Variants in MTAP observed in about 807,000 individuals in gnomAD.
The protein encoded by MTAP is methylthioadenosine phosphorylase, also known as S-methyl-5'-thioadenosine phosphorylase.
MTAP carries 33 observed loss-of-function variants against 33.6 expected under a neutral mutation model. The observed-to-expected ratio is 0.98, with a 90% confidence interval of 0.74 to 1.31. The LOEUF is 1.31. Ranked by LOEUF, MTAP falls within the 40% of genes most tolerant of loss-of-function variation. The probability of loss-of-function intolerance (pLI) is 0.00; values close to 1 mark genes in which losing one functional copy is unlikely to be tolerated. For synonymous variants in MTAP, 148 were observed against 125.7 expected, an observed-to-expected ratio of 1.18 and a Z score of -1.19; for missense variants, 367 against 360.0, an observed-to-expected ratio of 1.02 and a Z score of -0.16.
chr9:21,919,120 G>A (rs1418636878), intron 1 of MTAP, among the ~76,000 whole-genome samples: 1 of 152,206 alleles, frequency 6.6e-6, no homozygotes, highest in Non-Finnish European at 1.5e-5. Flanking sequence ...TTTCAGCAGA[G>A]TGTTTAAAGT....
At chr9:21,892,874 C>T (rs1485538455) in intron 1 of MTAP, 2 of 152,132 alleles carry the variant, frequency 1.3e-5, no homozygotes, top group Non-Finnish European at 2.9e-5. Context: ...CACATCTTGA[C>T]CATAAAGCAA....
At chr9:21,846,882 C>T (rs1414479675) in intron 5 of MTAP, among the ~76,000 whole-genome samples, 1 of 152,110 alleles carries the variant, frequency 6.6e-6, no homozygotes, top group Non-Finnish European at 1.5e-5. Flanking sequence ...ATATATACAG[C>T]ATGGGTGTGA....
intron 1 of MTAP, among the ~76,000 whole-genome samples, chr9:21,873,911 T>G (rs1457921333): frequency 1.3e-5 from 2 of 152,098 alleles, no homozygotes; most frequent in Non-Finnish European, 2.9e-5. Flanking sequence ...GCAGAGCACT[T>G]TTTTCGGAAT....
chr9:21,915,889 G>T (rs1445972873), intron 1 of MTAP, among the ~76,000 whole-genome samples: 1 of 151,984 alleles, frequency 6.6e-6, no homozygotes, highest in Non-Finnish European at 1.5e-5. Flanking sequence ...ACAAAAATTA[G>T]CCAAGTATGA....
intron 1 of MTAP, among the ~76,000 whole-genome samples, chr9:21,807,521 G>C (rs1312342860): frequency 6.6e-6 from 1 of 152,132 alleles, no homozygotes; most frequent in African/African-American, 2.4e-5. Context: ...CCCAAGCATT[G>C]CAGGACATGG....
chr9:21,884,680 T>G (rs887954718), intron 1 of MTAP, among the ~76,000 whole-genome samples: 1 of 152,104 alleles, frequency 6.6e-6, no homozygotes, highest in Non-Finnish European at 1.5e-5. Flanking sequence ...TTTCTCTTCT[T>G]ATAAGGACAC....
intron 5 of MTAP, among the ~76,000 whole-genome samples, chr9:21,854,284 T>C (rs932982571): frequency 2.2e-4 from 34 of 152,230 alleles, no homozygotes; most frequent in African/African-American, 7.5e-4. Context: ...AAGACTCCAG[T>C]CTGTATTCTC....
chr9:21,881,922 C>T (rs995646823), intron 1 of MTAP, among the ~76,000 whole-genome samples: 24 of 152,038 alleles, frequency 1.6e-4, no homozygotes, highest in Admixed American at 3.3e-4. Flanking sequence ...AATTTGCACA[C>T]CCATATTCAT....
intron 4 of MTAP, among the ~76,000 whole-genome samples, chr9:21,833,802 C>T (rs1272891851): frequency 2.0e-5 from 3 of 152,192 alleles, no homozygotes; most frequent in Non-Finnish European, 4.4e-5. Flanking sequence ...ACCACATTTC[C>T]TCAAAGGAAA....
intron 1 of MTAP, among the ~76,000 whole-genome samples, chr9:21,881,155 G>A (rs1372154017): frequency 1.3e-5 from 2 of 151,964 alleles, no homozygotes; most frequent in South Asian, 2.1e-4. Context: ...TCACTCAACA[G>A]GCAAAAGACA....
downstream of MTAP, chr9:21,936,119 T>C (rs1819038635): frequency 6.6e-6 from 1 of 152,244 alleles, no homozygotes; most frequent in South Asian, 2.1e-4. Flanking sequence ...GTATAGGAGA[T>C]CTCCAGTGAT....
At chr9:21,912,422 A>C (rs895974932) in intron 1 of MTAP, among the ~76,000 whole-genome samples, 2 of 152,324 alleles carry the variant, frequency 1.3e-5, no homozygotes, top group Non-Finnish European at 2.9e-5. Context: ...CACATCCAAA[A>C]GCTTAATCAC....
Position 21,864,470 on chromosome 9 carries a change from G to A in MTAP, c.*2456G>A. 1 of 985,386 alleles carries A rather than the reference G, an allele frequency of 1.0e-6. No homozygotes were observed. 61.0% of individuals were successfully genotyped at this position (985,386 alleles called of 1,614,324 possible). On this transcript the variant is annotated 3_prime_UTR_variant, in exon 8 of 8. Coordinates refer to ENST00000644715, the MANE Select transcript of MTAP (RefSeq NM_002451.4). ...GGGAAAGCTGTAGTTTAGTGACTTA[G>A]CCCTTAGTGATTAATAGATTTGCAT... is the stretch of plus-strand genomic sequence containing the variant.
intron 1 of MTAP, among the ~76,000 whole-genome samples, chr9:21,927,392 C>T (rs78697513): frequency 0.01 from 1,552 of 152,182 alleles, 1 homozygote; most frequent in Middle Eastern, 0.031. Context: ...ATAAAAAGAC[C>T]GCAATGGATC....
chr9:21,833,357 T>C (rs1488297199), intron 4 of MTAP, among the ~76,000 whole-genome samples: 4 of 152,122 alleles, frequency 2.6e-5, no homozygotes, highest in Non-Finnish European at 5.9e-5. Flanking sequence ...TAATTTTTTG[T>C]ATGTTTTTGT....
At chr9:21,890,159 A>T (rs981533738) in intron 1 of MTAP, among the ~76,000 whole-genome samples, 4 of 151,438 alleles carry the variant, frequency 2.6e-5, no homozygotes, top group African/African-American at 9.7e-5. Flanking sequence ...AAGCCGATGG[A>T]GTTATGTTCC....
At chr9:21,907,347 A>C (rs1274752778) in intron 1 of MTAP, among the ~76,000 whole-genome samples, 1 of 152,248 alleles carries the variant, frequency 6.6e-6, no homozygotes, top group Non-Finnish European at 1.5e-5. Context: ...GCTTGAGCTC[A>C]GGAGTTCAAG....
intron 4 of MTAP, among the ~76,000 whole-genome samples, chr9:21,837,244 A>G (rs1486028053): frequency 6.6e-6 from 1 of 152,210 alleles, no homozygotes. Flanking sequence ...CTAAATATGG[A>G]GCAAGACAAG....
At chr9:21,932,071 A>G (rs1440485353), downstream of MTAP, 1 of 152,186 alleles carries the variant, frequency 6.6e-6, no homozygotes, top group Non-Finnish European at 1.5e-5. Flanking sequence ...CAAAATGATA[A>G]TGGAACTAAA....
Sources: gnomAD v4.1 joint callset for allele counts (sites outside exome capture counted in the v4.1 genomes callset) on GRCh38, gnomAD v4.1.1 for gene constraint, MANE v1.5 for transcripts, NCBI Gene and HGNC (gene_info 2026-07-23, HGNC 2026-07-21) for gene names.